The following HECTD2 variants were observed in gnomAD, a reference collection of about 807,000 sequenced individuals.
HECTD2 encodes the protein HECT domain E3 ubiquitin protein ligase 2, also known as probable E3 ubiquitin-protein ligase HECTD2.
In HECTD2, 35 loss-of-function variants were observed where a neutral mutation model predicts 103.2. The observed-to-expected ratio is 0.34, with a 90% CI of 0.26 to 0.45. The LOEUF (loss-of-function observed/expected upper bound fraction) is 0.45. Ranked by LOEUF, HECTD2 falls within the 20% of genes least tolerant of loss-of-function variation. HECTD2 has a pLI of 1.00. For missense variants in HECTD2, 596 were observed against 937.4 expected (o/e 0.64, Z 4.76); for synonymous variants, 281 against 329.9 (o/e 0.85, Z 1.61).
intron 18 of HECTD2, 58 bp from the exon 19 acceptor site, chr10:91,500,442 CCA>C (rs770424343): frequency 3.0e-5 from 20 of 657,870 alleles, no homozygotes; most frequent in Non-Finnish European, 5.4e-5. Flanking sequence ...GAAAATAGTT[CCA>C]GTTTCACTTA....
rs192821158 is a variant in HECTD2, at chr10:91,451,458, A to G, written c.269-8969A>G. Reference sequence around the variant, plus strand: ...TGGGTGCCGGAAACCACCATGGCATATGTATACCTATGTAACAAACCTGCA... The same window carrying G: ...TGGGTGCCGGAAACCACCATGGCATGTGTATACCTATGTAACAAACCTGCA... On this transcript the variant is annotated intron_variant, in intron 2 of 20. Coordinates refer to ENST00000298068, the MANE Select transcript of HECTD2 (RefSeq NM_182765.6). 2.6e-4 allele frequency among the ~76,000 whole-genome samples: 39 copies of G among 152,170 alleles called. 1 individual carries two copies. The highest frequency in any genetic ancestry group is 8.9e-4 in the African/African-American group (37 of 41,528).
chr10:91,432,326 G>A (rs1024183641), intron 2 of HECTD2, among the ~76,000 whole-genome samples: 29 of 151,866 alleles, frequency 1.9e-4, no homozygotes, highest in African/African-American at 6.8e-4. Flanking sequence ...GTGATATTAG[G>A]GAAACTGCAA....
intron 5 of HECTD2, among the ~76,000 whole-genome samples, chr10:91,475,956 CTCTTT>C (rs1442054987): frequency 2.0e-5 from 3 of 152,170 alleles, no homozygotes; most frequent in Non-Finnish European, 4.4e-5. Context: ...CAACTTCACT[CTCTTT>C]TCTTTTCTGC....
chr10:91,472,856 T>C (rs1294816213), intron 5 of HECTD2, among the ~76,000 whole-genome samples: 1 of 152,054 alleles, frequency 6.6e-6, no homozygotes, highest in Non-Finnish European at 1.5e-5. Context: ...GTAGAGAAAT[T>C]AATAGATTAA....
At chr10:91,492,543 A>ATTT (rs1846519223) in intron 13 of HECTD2, 59 bp downstream of exon 13, 1 of 1,268,886 alleles carries the variant, frequency 7.9e-7, no homozygotes, top group African/African-American at 1.5e-5. Flanking sequence ...AGAGTGAAGT[A>ATTT]GTCACCCTTA....
intron 5 of HECTD2, among the ~76,000 whole-genome samples, chr10:91,473,946 GTATT>G (rs1252972062): frequency 6.6e-6 from 1 of 152,134 alleles, no homozygotes; most frequent in Non-Finnish European, 1.5e-5. Context: ...AGGGTCAACT[GTATT>G]TATGTGTCAC....
rs546802013 is a variant in HECTD2 at position 91,426,258 on chromosome 10, T to C, written c.268+848T>C. ...CTATATTGTTTTATCACGGGAAATG[T>C]ACATTACTTAAATACTTCTAAGTGC... On this transcript the variant is annotated intron_variant, in intron 2 of 20. Coordinates refer to ENST00000298068, the MANE Select transcript of HECTD2 (RefSeq NM_182765.6). Among the ~76,000 whole-genome samples the C allele has an allele frequency of 3.2e-4, 49 of 152,132 alleles. 1 individual carries two copies. The highest frequency in any genetic ancestry group is 2.4e-3 in the Admixed American group (37 of 15,242).
In HECTD2 at chr10:91,484,541, A is replaced by G; in HGVS notation, c.856A>G (p.Arg286Gly). Residue 286 changes from arginine (R) to glycine (G), a missense_variant, in exon 9 of 21, where the codon AGA (arginine) becomes GGA (glycine). Transcript: ENST00000298068. Reference protein sequence around the residue: ...SQKRFKQLVERLLQFISLRLF... With the variant: ...SQKRFKQLVEGLLQFISLRLF... ...GAAGAGGTTCAAACAATTGGTAGAG[A>G]GATTGCTGCAATTTATTTCTTTACG... The G allele has an allele frequency of 6.2e-7, 1 of 1,611,250 alleles. No individual in the cohort carries two copies. The highest frequency in any genetic ancestry group is 1.7e-5 in the Admixed American group (1 of 59,690).
chr10:91,502,520 T>G (rs1184031102), intron 20 of HECTD2, among the ~76,000 whole-genome samples: 1 of 152,214 alleles, frequency 6.6e-6, no homozygotes, highest in Non-Finnish European at 1.5e-5. Flanking sequence ...ATGCTCCAAG[T>G]AATCACACAT....
chr10:91,416,466 C>T (rs1381076341), intron 1 of HECTD2, among the ~76,000 whole-genome samples: 1 of 152,158 alleles, frequency 6.6e-6, no homozygotes, highest in Admixed American at 6.5e-5. Flanking sequence ...TTACAGTTGT[C>T]TACAGTATTC....
At chr10:91,486,284 C>T (rs140762242) in intron 10 of HECTD2, 1 of 152,130 alleles carries the variant, frequency 6.6e-6, no homozygotes, top group African/African-American at 2.4e-5. Context: ...GTTCTGGGCA[C>T]CCTAGTCCCA....
At chr10:91,494,106 C>T (rs1272107973) in intron 14 of HECTD2, among the ~76,000 whole-genome samples, 1 of 151,590 alleles carries the variant, frequency 6.6e-6, no homozygotes, top group Non-Finnish European at 1.5e-5. Flanking sequence ...AAGATGCCTT[C>T]TACATTAGCT....
At chr10:91,473,944 C>T (rs1845817223) in intron 5 of HECTD2, among the ~76,000 whole-genome samples, 1 of 152,050 alleles carries the variant, frequency 6.6e-6, no homozygotes, top group Non-Finnish European at 1.5e-5. Flanking sequence ...CAAGGGTCAA[C>T]TGTATTTATG....
chr10:91,509,021 A>C (rs1847312570), intron 20 of HECTD2, among the ~76,000 whole-genome samples: 1 of 151,428 alleles, frequency 6.6e-6, no homozygotes, highest in Non-Finnish European at 1.5e-5. Flanking sequence ...AACTATCGCA[A>C]TAACAAAAAA....
chr10:91,422,108 A>G (rs1843381792), intron 1 of HECTD2, among the ~76,000 whole-genome samples: 1 of 152,074 alleles, frequency 6.6e-6, no homozygotes, highest in Non-Finnish European at 1.5e-5. Context: ...TGATCATGTC[A>G]TATCTTGCTT....
chr10:91,445,876 G>A (rs1844589344), intron 2 of HECTD2, among the ~76,000 whole-genome samples: 1 of 152,116 alleles, frequency 6.6e-6, no homozygotes, highest in African/African-American at 2.4e-5. Context: ...TTTTTCCATG[G>A]TCTTTACAAC....
intron 20 of HECTD2, among the ~76,000 whole-genome samples, chr10:91,507,416 C>T (rs1410554950): frequency 6.6e-6 from 1 of 152,064 alleles, no homozygotes; most frequent in Non-Finnish European, 1.5e-5. Flanking sequence ...TGATAAGCAA[C>T]TTCAGCAAAG....
chr10:91,497,374 T>A (rs1589544323), intron 15 of HECTD2, among the ~76,000 whole-genome samples: 1 of 142,208 alleles, frequency 7.0e-6, no homozygotes, highest in East Asian at 2.2e-4. Flanking sequence ...CACTGCAACC[T>A]CCACCTCCCA....
At chr10:91,509,565 G>T (rs751857241) in intron 20 of HECTD2, among the ~76,000 whole-genome samples, 9 of 152,064 alleles carry the variant, frequency 5.9e-5, no homozygotes, top group Non-Finnish European at 1.3e-4. Context: ...TAAAGAAAAT[G>T]TGGTACATAT....
Sources: allele counts gnomAD v4.1 joint callset (sites outside exome capture counted in the v4.1 genomes callset), GRCh38; gene constraint gnomAD v4.1.1; transcripts MANE v1.5; gene names NCBI Gene and HGNC (gene_info 2026-07-23, HGNC 2026-07-21).